The following VAV3 variants were observed in gnomAD, a reference collection of about 807,000 sequenced individuals.
VAV3 encodes the protein guanine nucleotide exchange factor VAV3.
A neutral mutation model predicts 131.2 loss-of-function variants in VAV3; 94 were observed. That is an observed-to-expected ratio of 0.72 (90% CI 0.61 to 0.85). The LOEUF (loss-of-function observed/expected upper bound fraction) is 0.85, where lower values mean the gene tolerates loss of function less well. Among genes scored for constraint, VAV3 ranks in the 40% least tolerant of loss-of-function variants. VAV3 has a pLI of 0.00. For synonymous variants in VAV3, 349 were observed against 342.0 expected, an observed-to-expected ratio of 1.02 and a Z score of -0.22; for missense variants, 939 against 1,002.7, an observed-to-expected ratio of 0.94 and a Z score of 0.86.
chr1:107,874,508 T>C (rs1451711421), intron 2 of VAV3, among the ~76,000 whole-genome samples: 1 of 152,160 alleles, frequency 6.6e-6, no homozygotes, highest in Non-Finnish European at 1.5e-5. Flanking sequence ...TAGAGAAGAC[T>C]GGAGGAAAAG....
chr1:107,777,180 T>A (rs1187737065), intron 4 of VAV3, 51 bp downstream of exon 4: 9 of 1,511,032 alleles, frequency 6.0e-6, no homozygotes, highest in African/African-American at 1.4e-5. Flanking sequence ...AAACCCACAA[T>A]GGACACATAA....
At chr1:107,575,202 T>C (rs552960657) in intron 25 of VAV3, among the ~76,000 whole-genome samples, 74 of 152,276 alleles carry the variant, frequency 4.9e-4, no homozygotes, top group African/African-American at 1.8e-3. Context: ...GTGTTTTCAA[T>C]TATATGTTCA....
chr1:107,735,274 A>G (rs1225530354), intron 15 of VAV3, among the ~76,000 whole-genome samples: 2 of 152,240 alleles, frequency 1.3e-5, no homozygotes, highest in Non-Finnish European at 2.9e-5. Context: ...TAAAATCGAC[A>G]CCCTAACATC....
chr1:107,750,981 A>G (rs1663685231), intron 13 of VAV3, 136 bp downstream of exon 13: 2 of 802,364 alleles, frequency 2.5e-6, no homozygotes, highest in Admixed American at 3.0e-5. Flanking sequence ...AAAAATTTAG[A>G]AATCATGGGT....
chr1:107,930,234 T>C (rs1417099901), intron 1 of VAV3, among the ~76,000 whole-genome samples: 1 of 152,236 alleles, frequency 6.6e-6, no homozygotes, highest in African/African-American at 2.4e-5. Flanking sequence ...ATACCCCATG[T>C]ACTCTGATGT....
At chr1:107,814,301 C>T (rs1366382490) in intron 2 of VAV3, among the ~76,000 whole-genome samples, 1 of 152,046 alleles carries the variant, frequency 6.6e-6, no homozygotes, top group Non-Finnish European at 1.5e-5. Context: ...TCCACATTCT[C>T]GCCAGCACCC....
At chr1:107,759,423 A>G (rs375786491) in intron 10 of VAV3, among the ~76,000 whole-genome samples, 2 of 152,186 alleles carry the variant, frequency 1.3e-5, no homozygotes, top group East Asian at 1.9e-4. Flanking sequence ...GTGGTTTCAA[A>G]TCATCAAGCA....
At chr1:107,603,885 A>G (rs1652063529) in intron 22 of VAV3, among the ~76,000 whole-genome samples, 1 of 151,292 alleles carries the variant, frequency 6.6e-6, no homozygotes. Flanking sequence ...GCTGCCTGCA[A>G]CCTCCGCCTC....
chr1:107,815,877 C>T (rs975736513), intron 2 of VAV3, among the ~76,000 whole-genome samples: 1 of 152,036 alleles, frequency 6.6e-6, no homozygotes, highest in Non-Finnish European at 1.5e-5. Flanking sequence ...AGACCCGTGG[C>T]GGGGTGTGGA....
intron 2 of VAV3, among the ~76,000 whole-genome samples, chr1:107,798,874 CT>C (rs1666691998): frequency 6.6e-6 from 1 of 151,748 alleles, no homozygotes; most frequent in Admixed American, 6.6e-5. Context: ...TATACATAAA[CT>C]TTTATTCAGA....
At chr1:107,822,161 G>T (rs973308798) in intron 2 of VAV3, among the ~76,000 whole-genome samples, 6 of 152,136 alleles carry the variant, frequency 3.9e-5, no homozygotes, top group African/African-American at 1.4e-4. Flanking sequence ...CTCCTGGTGG[G>T]TGAGAGTTCC....
intron 9 of VAV3, among the ~76,000 whole-genome samples, chr1:107,761,643 A>T (rs1664437769): frequency 6.6e-6 from 1 of 152,120 alleles, no homozygotes; most frequent in Admixed American, 6.5e-5. Flanking sequence ...AGCAAAATAC[A>T]TCTTCCTGTT....
intron 1 of VAV3, among the ~76,000 whole-genome samples, chr1:107,880,593 C>T (rs1467888456): frequency 6.6e-5 from 10 of 152,032 alleles, no homozygotes; most frequent in African/African-American, 1.9e-4. Flanking sequence ...GTCAGGAGCT[C>T]GAGACCAGCC....
At chr1:107,784,387 C>T (rs1665871015) in intron 2 of VAV3, among the ~76,000 whole-genome samples, 1 of 152,126 alleles carries the variant, frequency 6.6e-6, no homozygotes, top group South Asian at 2.1e-4. Context: ...TTTAGCCATT[C>T]TCTTGTCAAT....
At chr1:107,618,795 T>A (rs999722027) in intron 20 of VAV3, among the ~76,000 whole-genome samples, 3 of 152,164 alleles carry the variant, frequency 2.0e-5, no homozygotes, top group Non-Finnish European at 4.4e-5. Flanking sequence ...TGTACAAGCA[T>A]AATAGAGACT....
intron 1 of VAV3, among the ~76,000 whole-genome samples, chr1:107,882,346 C>A (rs570685810): frequency 6.6e-6 from 1 of 152,188 alleles, no homozygotes; most frequent in South Asian, 2.1e-4. Flanking sequence ...GAAAGATCGG[C>A]CCTGAATTTG....
At chr1:107,650,391 T>C (rs1656064907) in intron 19 of VAV3, among the ~76,000 whole-genome samples, 1 of 152,036 alleles carries the variant, frequency 6.6e-6, no homozygotes, top group African/African-American at 2.4e-5. Context: ...TCTGAACTAC[T>C]ATTCTCACTC....
chr1:107,608,843 C>A (rs1652501428), intron 22 of VAV3, among the ~76,000 whole-genome samples: 3 of 152,124 alleles, frequency 2.0e-5, no homozygotes, highest in Admixed American at 2.0e-4. Context: ...TATATATTCC[C>A]AGGATATTAT....
At chr1:107,765,005 G>T in intron 9 of VAV3, 71 bp downstream of exon 9, 2 of 978,130 alleles carry the variant, frequency 2.0e-6, no homozygotes, top group Non-Finnish European at 3.2e-6. Flanking sequence ...CTGCTTCACT[G>T]ATCATAAAGA....
Sources: allele counts gnomAD v4.1 joint callset (sites outside exome capture counted in the v4.1 genomes callset), GRCh38; gene constraint gnomAD v4.1.1; transcripts MANE v1.5; gene names NCBI Gene and HGNC (gene_info 2026-07-23, HGNC 2026-07-21).